Variants in DOCK2 observed in about 807,000 individuals in gnomAD.
DOCK2 encodes the protein dedicator of cytokinesis protein 2.
A neutral mutation model predicts 248.9 loss-of-function variants in DOCK2; 87 were observed. That is an observed-to-expected ratio of 0.35 (90% confidence interval 0.29 to 0.42). DOCK2 has a LOEUF of 0.42. Among genes scored for constraint, DOCK2 ranks in the 10% least tolerant of loss-of-function variants. DOCK2 has a pLI of 1.00. For missense variants in DOCK2, 1,747 were observed against 2,300.2 expected (o/e 0.76, Z 4.92); for synonymous variants, 805 against 821.6 (o/e 0.98, Z 0.35).
intron 26 of DOCK2, among the ~76,000 whole-genome samples, chr5:169,837,395 A>G (rs999985617): frequency 6.6e-6 from 1 of 152,174 alleles, no homozygotes; most frequent in Non-Finnish European, 1.5e-5. Flanking sequence ...TATCATCTTG[A>G]AAGTTTTCCA....
At chr5:169,687,623 T>C (rs966644840) in intron 8 of DOCK2, among the ~76,000 whole-genome samples, 1 of 152,212 alleles carries the variant, frequency 6.6e-6, no homozygotes, top group Non-Finnish European at 1.5e-5. Context: ...TGCTCCTAAA[T>C]GGCGTGGAAA....
intron 2 of DOCK2, among the ~76,000 whole-genome samples, chr5:169,665,684 A>T (rs1014963358): frequency 6.6e-6 from 1 of 152,266 alleles, no homozygotes; most frequent in African/African-American, 2.4e-5. Flanking sequence ...GTCTAAAAAA[A>T]TAGTGTTTGT....
At chr5:170,082,742 G>A in intron 51 of DOCK2, 54 bp from the exon 52 acceptor site, 1 of 1,609,200 alleles carries the variant, frequency 6.2e-7, no homozygotes, top group Non-Finnish European at 8.5e-7. Context: ...CTCCATTTTG[G>A]TGCTTAATCT....
At chr5:170,070,048 C>A (rs1191621700) in intron 46 of DOCK2, among the ~76,000 whole-genome samples, 1 of 152,198 alleles carries the variant, frequency 6.6e-6, no homozygotes, top group Non-Finnish European at 1.5e-5. Flanking sequence ...AGATCCCTCT[C>A]ATAGAGGCTT....
At chr5:169,988,820 G>A (rs1778137393) in intron 29 of DOCK2, among the ~76,000 whole-genome samples, 1 of 152,140 alleles carries the variant, frequency 6.6e-6, no homozygotes, top group African/African-American at 2.4e-5. Context: ...GAGGTGAAAT[G>A]ACTCTCCAAG....
intron 39 of DOCK2, among the ~76,000 whole-genome samples, chr5:170,046,836 G>C (rs1012548159): frequency 2.0e-5 from 3 of 152,048 alleles, no homozygotes; most frequent in Admixed American, 2.0e-4. Context: ...TGCCTGCACA[G>C]AGTCCACATC....
intron 1 of DOCK2, among the ~76,000 whole-genome samples, chr5:169,647,660 G>C (rs1209886996): frequency 6.6e-6 from 1 of 151,984 alleles, no homozygotes; most frequent in Non-Finnish European, 1.5e-5. Context: ...ACATCAAGCT[G>C]GTTTCCCCCC....
intron 27 of DOCK2, among the ~76,000 whole-genome samples, chr5:169,920,792 A>C (rs1250897938): frequency 2.0e-5 from 3 of 152,190 alleles, no homozygotes; most frequent in Admixed American, 6.5e-5. Flanking sequence ...CTAAGAGCTG[A>C]ATGGCTGAGC....
intron 38 of DOCK2, 115 bp from the exon 39 acceptor site, chr5:170,045,701 A>G: frequency 9.6e-7 from 1 of 1,042,186 alleles, no homozygotes; most frequent in Non-Finnish European, 1.5e-6. Flanking sequence ...TCTGGGTCAG[A>G]GCAAGGTTTC....
At chr5:169,791,813 T>C (rs1160128488) in intron 25 of DOCK2, among the ~76,000 whole-genome samples, 1 of 152,192 alleles carries the variant, frequency 6.6e-6, no homozygotes, top group Non-Finnish European at 1.5e-5. Context: ...AAATTCTCAG[T>C]ATGATGCCTA....
chr5:169,859,185 ACT>A (rs1333020449), intron 27 of DOCK2, among the ~76,000 whole-genome samples: 1 of 152,070 alleles, frequency 6.6e-6, no homozygotes, highest in Non-Finnish European at 1.5e-5. Flanking sequence ...AGAGAACCAA[ACT>A]CTGTGTGTTG....
At chr5:169,774,523 G>T (rs1400489471) in intron 25 of DOCK2, among the ~76,000 whole-genome samples, 2 of 152,292 alleles carry the variant, frequency 1.3e-5, no homozygotes, top group East Asian at 1.9e-4. Flanking sequence ...TGATTCCCCA[G>T]CACACACTGA....
At chr5:169,792,203 A>G (rs1408401266) in intron 25 of DOCK2, among the ~76,000 whole-genome samples, 2 of 152,172 alleles carry the variant, frequency 1.3e-5, no homozygotes, top group African/African-American at 4.8e-5. Flanking sequence ...TTATAAATCC[A>G]TGTGAATTCA....
Position 170,079,029 on chromosome 5 carries a change from G to A in DOCK2, c.5049G>A (p.Pro1683=), listed in dbSNP as rs201405765. The change falls in exon 49 of 52, where the codon CCG becomes CCA. Residue 1683 remains proline (P), a synonymous_variant. Coordinates refer to ENST00000520908, the MANE Select transcript of DOCK2 (RefSeq NM_004946.3). ...PKTPRVEQEE[P]ISPGSTLPEV... ...CGCCGAGAGTGGAGCAGGAGGAACC[G>A]ATCTCCCCGGGGAGCACCCTGCCTG... The A allele has an allele frequency of 2.9e-5, 47 of 1,614,130 alleles. No individual in the cohort carries two copies. Among genetic ancestry groups the A allele is most frequent in the Non-Finnish European group, 3.5e-5 (41 of 1,180,028 alleles).
chr5:170,050,093 T>C (rs918293634), intron 40 of DOCK2, among the ~76,000 whole-genome samples, 163 bp from the exon 41 acceptor site: 2 of 152,262 alleles, frequency 1.3e-5, no homozygotes, highest in South Asian at 2.1e-4. Context: ...CTCTGCTAGG[T>C]CAGTGAGTTG....
At position 169,761,525 on chromosome 5, in the gene DOCK2, C is replaced by A. The variant is rs1375503606; in HGVS notation, c.2454C>A (p.Leu818=). The change falls in exon 25 of 52, where the codon CTC becomes CTA. Residue 818 remains leucine, a synonymous_variant. Transcript: ENST00000520908. ...CTATTTTTCCTGCCCTCAGCCAACT[C>A]CTGTATGAGTTCTACACCTGCATCC... ...MVFDAKLLSQ[L]LYEFYTCIPP... The A allele has an allele frequency of 6.2e-7, 1 of 1,613,538 alleles. No individual in the cohort carries two copies. The highest frequency in any genetic ancestry group is 8.5e-7 in the Non-Finnish European group (1 of 1,179,834).
intron 27 of DOCK2, among the ~76,000 whole-genome samples, chr5:169,972,786 G>C (rs17670695): frequency 4.6e-5 from 7 of 152,244 alleles, no homozygotes; most frequent in African/African-American, 1.2e-4. Flanking sequence ...TCTAGGAAGC[G>C]GGAAAAATGT....
At chr5:169,864,289 C>T in intron 27 of DOCK2, 5 of 1,551,570 alleles carry the variant, frequency 3.2e-6, no homozygotes, top group Non-Finnish European at 4.4e-6. Flanking sequence ...CCACCAGAAG[C>T]ATTTCTTTTT....
At chr5:170,001,607 AT>A (rs1183598800) in intron 30 of DOCK2, among the ~76,000 whole-genome samples, 1 of 151,990 alleles carries the variant, frequency 6.6e-6, no homozygotes, top group African/African-American at 2.4e-5. Context: ...CAAATCTCAT[AT>A]TTTTTTTAGG....
Sources: allele counts gnomAD v4.1 joint callset (sites outside exome capture counted in the v4.1 genomes callset), GRCh38; gene constraint gnomAD v4.1.1; transcripts MANE v1.5; gene names NCBI Gene and HGNC (gene_info 2026-07-23, HGNC 2026-07-21).